The following RNF2 variants were observed in gnomAD, a reference collection of about 807,000 sequenced individuals.
RNF2 encodes the protein ring finger protein 2.
In RNF2, 6 loss-of-function variants were observed where a neutral mutation model predicts 37.2. That is an observed-to-expected ratio of 0.16 (90% confidence interval 0.09 to 0.32). The LOEUF is 0.32. RNF2 is among the 10% of genes least tolerant of loss of function. The pLI, the probability that RNF2 is intolerant of heterozygous loss-of-function variation, is 1.00. For synonymous variants in RNF2, 133 were observed against 132.7 expected (o/e 1.00, Z -0.02); for missense variants, 251 against 404.0 (o/e 0.62, Z 3.25).
At chr1:185,079,917 C>T (rs562041159) in intron 1 of RNF2, among the ~76,000 whole-genome samples, 25 of 150,678 alleles carry the variant, frequency 1.7e-4, no homozygotes, top group East Asian at 9.8e-4. Flanking sequence ...GCAACAAGAG[C>T]GAGACTGTCT....
intron 1 of RNF2, among the ~76,000 whole-genome samples, chr1:185,085,659 C>CTTT (rs565165523): frequency 6.2e-5 from 9 of 144,728 alleles, no homozygotes; most frequent in African/African-American, 2.3e-4. Flanking sequence ...CTGTTTAAAA[C>CTTT]TTTTTTTTTT....
intron 4 of RNF2, among the ~76,000 whole-genome samples, chr1:185,096,462 C>T (rs1017504483): frequency 1.3e-5 from 2 of 152,126 alleles, no homozygotes; most frequent in African/African-American, 4.8e-5. Context: ...TTTCTCCCTC[C>T]CCCCAGTTCC....
chr1:185,076,268 GTTTTTTTTTTTTTTTTTTTTTTTT>G lies in RNF2; in HGVS notation c.-2-11267_-2-11244del, dbSNP rs71101959. ...TTTTCTTCTAGATCTTTTATGGGTT[GTTTTTTTTTTTTTTTTTTTTTTTT>G]TTTTTTTTTTTTTTTTGAGACAGAG... On this transcript the variant is annotated intron_variant, in intron 1 of 6. Transcript: ENST00000367510. Among the ~76,000 whole-genome samples, 58 of 27,348 alleles carry G rather than the reference GTTTTTTTTTTTTTTTTTTTTTTTT, an allele frequency of 2.1e-3. 1 individual carries two copies. The highest frequency in any genetic ancestry group is 6.3e-3 in the East Asian group (7 of 1,118). The allele number at this position is 27,348 out of a possible 152,430, so 17.9% of individuals were successfully genotyped here.
At chr1:185,057,819 A>C (rs868054974) in intron 1 of RNF2, among the ~76,000 whole-genome samples, 9 of 150,874 alleles carry the variant, frequency 6.0e-5, no homozygotes, top group Non-Finnish European at 1.0e-4. Flanking sequence ...AAAAAAAAAA[A>C]CAGTAAAACA....
At chr1:185,096,588 GTTAT>G (rs1651918351) in intron 4 of RNF2, among the ~76,000 whole-genome samples, 1 of 151,544 alleles carries the variant, frequency 6.6e-6, no homozygotes, top group South Asian at 2.1e-4. Context: ...GTTATTTACT[GTTAT>G]TTATTTCTCT....
At chr1:185,064,471 C>T (rs1471043818) in intron 1 of RNF2, among the ~76,000 whole-genome samples, 2 of 152,192 alleles carry the variant, frequency 1.3e-5, no homozygotes, top group Admixed American at 1.3e-4. Flanking sequence ...TACAGTGGTA[C>T]AAAAGCAATA....
chr1:185,078,942 G>T (rs571848930), intron 1 of RNF2, among the ~76,000 whole-genome samples: 2 of 152,134 alleles, frequency 1.3e-5, no homozygotes, highest in Non-Finnish European at 2.9e-5. Flanking sequence ...TACTTGGGAG[G>T]CTGAGGCAGG....
At chr1:185,094,834 A>G (rs749520623) in intron 4 of RNF2, among the ~76,000 whole-genome samples, 9 of 152,152 alleles carry the variant, frequency 5.9e-5, no homozygotes, top group Non-Finnish European at 1.2e-4. Flanking sequence ...TCAGGCCTCA[A>G]GGAGAATCAT....
At chr1:185,097,720 A>G (rs998691714) in intron 4 of RNF2, among the ~76,000 whole-genome samples, 1 of 152,172 alleles carries the variant, frequency 6.6e-6, no homozygotes, top group Non-Finnish European at 1.5e-5. Flanking sequence ...TGTTGTTGGT[A>G]GAGACAGGGT....
In RNF2 at chr1:185,099,840, C is replaced by G; in HGVS notation, c.787C>G (p.Leu263Val). 1 of 1,614,124 alleles carries G rather than the reference C, an allele frequency of 6.2e-7. No individual in the cohort carries two copies. Among genetic ancestry groups the G allele is most frequent in the Non-Finnish European group, 8.5e-7 (1 of 1,180,014 alleles). Residue 263 changes from leucine (L) to valine (V), a missense_variant, in exon 6 of 7, where the codon CTG becomes GTG. This residue lies in a region of RNF2 where 16 missense variants were observed against 47.7 expected (regional missense o/e 0.34). Transcript: ENST00000367510. ...CACTGTTGATCACTTATCCAAGTAT[C>G]TGGCTGTGAGGTTAGCTTTAGAAGA... is the stretch of plus-strand genomic sequence containing the variant. ...NATVDHLSKY[L>V]AVRLALEELR...
rs534979645 is a variant in RNF2, at chr1:185,076,673, GT to G, written c.-2-10876del. The stretch of plus-strand genomic sequence containing the variant: ...TAGGTATCTGATTTATTTGAAAAGG[GT>G]TTAAATTTTTTTTTTGTCATCCCTG... On this transcript the variant is annotated intron_variant, in intron 1 of 6. Transcript: ENST00000367510. 9.4e-3 allele frequency among the ~76,000 whole-genome samples: 1,428 copies of G among 151,224 alleles called. 15 individuals carry two copies. Among genetic ancestry groups the G allele is most frequent in the Non-Finnish European group, 0.013 (857 of 67,798 alleles).
chr1:185,069,509 T>G (rs1650905001), intron 1 of RNF2, among the ~76,000 whole-genome samples: 2 of 151,264 alleles, frequency 1.3e-5, no homozygotes, highest in African/African-American at 4.9e-5. Flanking sequence ...AGGCTATTTA[T>G]CTAAGGGCTG....
intron 1 of RNF2, among the ~76,000 whole-genome samples, chr1:185,075,087 C>T (rs550837802): frequency 2.6e-5 from 4 of 152,024 alleles, no homozygotes; most frequent in African/African-American, 4.8e-5. Flanking sequence ...CTACACCTTC[C>T]GGGTTCAAGC....
At chr1:185,074,775 G>A (rs766312174) in intron 1 of RNF2, among the ~76,000 whole-genome samples, 1 of 152,044 alleles carries the variant, frequency 6.6e-6, no homozygotes, top group Non-Finnish European at 1.5e-5. Flanking sequence ...TATTTACATA[G>A]CGTTTACATT....
chr1:185,077,412 A>G (rs1207441444), intron 1 of RNF2, among the ~76,000 whole-genome samples: 1 of 152,062 alleles, frequency 6.6e-6, no homozygotes, highest in Non-Finnish European at 1.5e-5. Flanking sequence ...TTTAACAGGA[A>G]TGTGTCAAAA....
chr1:185,050,645 C>T (rs1650245195), intron 1 of RNF2, among the ~76,000 whole-genome samples: 1 of 152,172 alleles, frequency 6.6e-6, no homozygotes, highest in African/African-American at 2.4e-5. Flanking sequence ...GACATCATTT[C>T]TTCCTTCCAA....
Position 185,087,619 on chromosome 1 carries a change from T to C in RNF2, c.66T>C (p.Tyr22=). 6.2e-7 allele frequency: 1 copy of C among 1,614,118 alleles called. No homozygotes were observed. The highest frequency in any genetic ancestry group is 1.1e-5 in the South Asian group (1 of 91,088). Residue 22 remains tyrosine (Y), a synonymous_variant, in exon 2 of 7, where the codon TAT becomes TAC. Transcript: ENST00000367510. The part of the protein sequence containing the change: ...PLSKTWELSL[Y]ELQRTPQEAI... The stretch of plus-strand genomic sequence containing the variant: ...GCAAAACATGGGAACTCAGTTTATA[T>C]GAGTTACAACGAACACCTCAGGTAA...
At chr1:185,049,554 C>T (rs1008502) in intron 1 of RNF2, among the ~76,000 whole-genome samples, 5 of 151,856 alleles carry the variant, frequency 3.3e-5, no homozygotes, top group African/African-American at 1.2e-4. Context: ...AACAAGATAT[C>T]TGAGAGCAGT....
chr1:185,082,350 T>C (rs923559828), intron 1 of RNF2, among the ~76,000 whole-genome samples: 3 of 46,494 alleles, frequency 6.5e-5, no homozygotes, highest in Non-Finnish European at 1.4e-4. Context: ...CAGAACTTTT[T>C]TTTTTTTTTT....
Sources: allele counts gnomAD v4.1 joint callset (sites outside exome capture counted in the v4.1 genomes callset), GRCh38; gene constraint gnomAD v4.1.1; regional missense constraint gnomAD v4.1.1; transcripts MANE v1.5; gene names NCBI Gene and HGNC (gene_info 2026-07-23, HGNC 2026-07-21).